The following PSPC1 variants were observed in gnomAD, a reference collection of about 807,000 sequenced individuals.
PSPC1 encodes paraspeckle component 1, also known as paraspeckle protein 1.
Under a neutral mutation model 51.6 loss-of-function variants are expected in PSPC1, and 14 were observed. That is an observed-to-expected ratio of 0.27 (90% CI 0.18 to 0.42). The LOEUF (loss-of-function observed/expected upper bound fraction) is 0.42, where lower values mean the gene tolerates loss of function less well. PSPC1 is among the 10% of genes least tolerant of loss of function. The pLI is 1.00. For synonymous variants in PSPC1, 193 were observed against 231.9 expected, an observed-to-expected ratio of 0.83 and a Z score of 1.53; for missense variants, 406 against 701.1, an observed-to-expected ratio of 0.58 and a Z score of 4.75.
intron 8 of PSPC1, among the ~76,000 whole-genome samples, 199 bp downstream of exon 8, chr13:19,705,463 G>A (rs1243093312): frequency 6.6e-6 from 1 of 151,280 alleles, no homozygotes; most frequent in Non-Finnish European, 1.5e-5. Flanking sequence ...ATGCACACCA[G>A]CCTCGGCAAT....
chr13:19,744,817 C>A (rs924582389), intron 4 of PSPC1, among the ~76,000 whole-genome samples: 1 of 152,130 alleles, frequency 6.6e-6, no homozygotes, highest in African/African-American at 2.4e-5. Flanking sequence ...CCCGCCTTGG[C>A]CTTCCAAAGT....
intron 6 of PSPC1, among the ~76,000 whole-genome samples, chr13:19,713,607 C>T (rs897653418): frequency 1.1e-4 from 16 of 140,272 alleles, no homozygotes; most frequent in African/African-American, 4.2e-4. Context: ...AAGATTTTAA[C>T]TTATCTTTGC....
intron 2 of PSPC1, among the ~76,000 whole-genome samples, chr13:19,769,884 G>A (rs1888459406): frequency 6.6e-6 from 1 of 152,152 alleles, no homozygotes; most frequent in South Asian, 2.1e-4. Flanking sequence ...GAACTTGGCA[G>A]TTTCTTATAC....
intron 6 of PSPC1, among the ~76,000 whole-genome samples, chr13:19,712,376 G>T (rs2137793355): frequency 6.6e-6 from 1 of 151,914 alleles, no homozygotes; most frequent in Admixed American, 6.5e-5. Context: ...TCACTGGCAG[G>T]AAAAAAGGGC....
chr13:19,740,119 G>A (rs1316098162), intron 5 of PSPC1, among the ~76,000 whole-genome samples: 3 of 151,940 alleles, frequency 2.0e-5, no homozygotes, highest in Admixed American at 1.3e-4. Flanking sequence ...CGAGGCAGGC[G>A]GATCACCTGA....
At chr13:19,760,988 A>C (rs1887559271) in intron 2 of PSPC1, among the ~76,000 whole-genome samples, 1 of 151,760 alleles carries the variant, frequency 6.6e-6, no homozygotes, top group Non-Finnish European at 1.5e-5. Flanking sequence ...ACTCCGTCTC[A>C]AATTAAAAAA....
chr13:19,719,874 C>A (rs1882560425), intron 6 of PSPC1, among the ~76,000 whole-genome samples: 1 of 151,934 alleles, frequency 6.6e-6, no homozygotes, highest in Non-Finnish European at 1.5e-5. Flanking sequence ...AGAGACGGGC[C>A]TCTCACTATG....
chr13:19,691,694 G>A (rs910037832), intron 6 of PSPC1, among the ~76,000 whole-genome samples: 4 of 152,064 alleles, frequency 2.6e-5, no homozygotes, highest in African/African-American at 4.8e-5. Flanking sequence ...CGAGGTAGGC[G>A]GATCACTTGA....
In PSPC1 at chr13:19,756,508, C is replaced by CT. The variant is rs796488867; in HGVS notation, c.770+2814dup. Among the ~76,000 whole-genome samples the CT allele has an allele frequency of 3.5e-3, 513 of 146,470 alleles. 7 individuals carry two copies. Among genetic ancestry groups the CT allele is most frequent in the African/African-American group, 8.0e-3 (320 of 40,116 alleles). ...ATGCTGGCAAAAGGGTAAAGAAAAC[C>CT]TTTTTTTTTTTGAGACGGAGTCTCA... On this transcript the variant is annotated intron_variant, in intron 3 of 8. Transcript: ENST00000338910.
downstream of PSPC1, among the ~76,000 whole-genome samples, chr13:19,674,176 A>G (rs180962239): frequency 1.3e-5 from 2 of 152,200 alleles, no homozygotes; most frequent in Admixed American, 1.3e-4. Context: ...TATTCAATTA[A>G]CTTACCAGCG....
chr13:19,696,080 A>C (rs1342630534), intron 6 of PSPC1, among the ~76,000 whole-genome samples: 3 of 152,118 alleles, frequency 2.0e-5, no homozygotes, highest in Non-Finnish European at 2.9e-5. Flanking sequence ...GTGCAATGTT[A>C]AAAGATAACA....
At chr13:19,729,366 G>A (rs955302139) in intron 6 of PSPC1, among the ~76,000 whole-genome samples, 7 of 151,782 alleles carry the variant, frequency 4.6e-5, no homozygotes, top group African/African-American at 1.7e-4. Context: ...GTGAAACCCC[G>A]TCTCTACTAA....
chr13:19,780,978 G>A (rs1035280580), intron 1 of PSPC1, among the ~76,000 whole-genome samples: 6 of 151,730 alleles, frequency 4.0e-5, no homozygotes, highest in East Asian at 3.9e-4. Flanking sequence ...ACAACATGGC[G>A]AAACACCGCC....
At chr13:19,770,135 C>A (rs962289519) in intron 2 of PSPC1, among the ~76,000 whole-genome samples, 21 of 152,132 alleles carry the variant, frequency 1.4e-4, no homozygotes, top group African/African-American at 5.1e-4. Flanking sequence ...TGAATGAAAT[C>A]TCATAAACAT....
chr13:19,768,046 C>CAT (rs1481625240), intron 2 of PSPC1, among the ~76,000 whole-genome samples: 2 of 151,580 alleles, frequency 1.3e-5, no homozygotes, highest in Non-Finnish European at 2.9e-5. Context: ...AGCAAGACCT[C>CAT]ATATCTACTT....
chr13:19,740,058 T>A (rs184187738), intron 5 of PSPC1, among the ~76,000 whole-genome samples: 1 of 151,556 alleles, frequency 6.6e-6, no homozygotes, highest in East Asian at 2.0e-4. Context: ...TAAGAATGAA[T>A]TGGGGCCGGG....
intron 1 of PSPC1, among the ~76,000 whole-genome samples, chr13:19,776,024 A>G: frequency 6.6e-6 from 1 of 152,018 alleles, no homozygotes; most frequent in Non-Finnish European, 1.5e-5. Flanking sequence ...GCACTCCAGC[A>G]TGGGTGACAG....
intron 6 of PSPC1, among the ~76,000 whole-genome samples, chr13:19,688,266 G>A (rs1391942896): frequency 1.3e-5 from 2 of 151,922 alleles, no homozygotes; most frequent in African/African-American, 2.4e-5. Flanking sequence ...AGGTACCAAA[G>A]TATACCTAGC....
Position 19,771,485 on chromosome 13 carries a change from G to A in PSPC1, c.674+757C>T, listed in dbSNP as rs537173907. Among the ~76,000 whole-genome samples the A allele has an allele frequency of 2.0e-5, 3 of 152,224 alleles. No individual in the cohort carries two copies. The South Asian group carries it at 6.2e-4, about 32-fold the overall frequency. ...CAAGGTCACTCGGTCACCTAGGCTGGAGTAGAGTGGCATGATCTGGGATCA... is the reference window on the plus strand; with the variant it reads ...CAAGGTCACTCGGTCACCTAGGCTGAAGTAGAGTGGCATGATCTGGGATCA... On this transcript the variant is annotated intron_variant, in intron 2 of 8. Coordinates refer to ENST00000338910, the MANE Select transcript of PSPC1 (RefSeq NM_001354909.2).
Sources: gnomAD v4.1 joint callset for allele counts (sites outside exome capture counted in the v4.1 genomes callset) on GRCh38, gnomAD v4.1.1 for gene constraint, MANE v1.5 for transcripts, NCBI Gene and HGNC (gene_info 2026-07-23, HGNC 2026-07-21) for gene names.